The following C1GALT1 variants were observed in gnomAD, a reference collection of about 807,000 sequenced individuals.
The protein encoded by C1GALT1 is glycoprotein-N-acetylgalactosamine 3-beta-galactosyltransferase 1.
A neutral mutation model predicts 31.0 loss-of-function variants in C1GALT1; 11 were observed. The observed-to-expected ratio is 0.36, with a 90% CI of 0.22 to 0.59. The LOEUF is 0.59. Among genes scored for constraint, C1GALT1 ranks in the 20% least tolerant of loss-of-function variants. The probability of loss-of-function intolerance (pLI) is 0.79; values close to 1 mark genes in which losing one functional copy is unlikely to be tolerated. For missense variants in C1GALT1, 424 were observed against 425.2 expected, an observed-to-expected ratio of 1.00 and a Z score of 0.03; for synonymous variants, 175 against 143.6, an observed-to-expected ratio of 1.22 and a Z score of -1.56.
chr7:7,197,761 C>T (rs1418349364), intron 1 of C1GALT1, among the ~76,000 whole-genome samples: 1 of 152,176 alleles, frequency 6.6e-6, no homozygotes, highest in East Asian at 1.9e-4. Flanking sequence ...CCTTCACATC[C>T]CTTGTAAGTT....
intron 1 of C1GALT1, among the ~76,000 whole-genome samples, chr7:7,201,873 A>T (rs1474068984): frequency 6.6e-6 from 1 of 151,904 alleles, no homozygotes; most frequent in Non-Finnish European, 1.5e-5. Flanking sequence ...AGGAAACTTC[A>T]TGTTTGTTTG....
intron 3 of C1GALT1, among the ~76,000 whole-genome samples, chr7:7,241,216 A>C (rs565947029): frequency 1.3e-5 from 2 of 152,148 alleles, no homozygotes; most frequent in East Asian, 3.9e-4. Context: ...ATTAGTACAT[A>C]AGTGAGGTAG....
At chr7:7,183,197 G>T (rs1214240725) in intron 1 of C1GALT1, among the ~76,000 whole-genome samples, 1 of 151,760 alleles carries the variant, frequency 6.6e-6, no homozygotes, top group East Asian at 2.0e-4. Flanking sequence ...TAGCGGTCCT[G>T]CCCCGCCGGG....
chr7:7,173,954 A>T (rs181908443), intron 2 of C1GALT1, among the ~76,000 whole-genome samples: 2 of 152,284 alleles, frequency 1.3e-5, no homozygotes, highest in East Asian at 3.9e-4. Context: ...AGTGGCTTAA[A>T]CAACAGAAAT....
In C1GALT1 at chr7:7,197,161, T is replaced by A. The variant is rs560272454; in HGVS notation, c.-18+14341T>A. 3.9e-5 allele frequency among the ~76,000 whole-genome samples: 6 copies of A among 152,338 alleles called. No individual in the cohort carries two copies. In the South Asian group the frequency reaches 1.2e-3, roughly 32 times the overall value. On this transcript the variant is annotated intron_variant, in intron 1 of 3. Coordinates refer to ENST00000436587, the MANE Select transcript of C1GALT1 (RefSeq NM_020156.5). Reference sequence around the variant, plus strand: ...TATTGCCTAGGTTTTCTTACAGGGTTTTTCTGGTTTTAGGTCTAACATTTA... The same window carrying A: ...TATTGCCTAGGTTTTCTTACAGGGTATTTCTGGTTTTAGGTCTAACATTTA...
In C1GALT1 at chr7:7,248,311, TAA is replaced by T. The variant is rs1302152048; in HGVS notation, c.*4585_*4586del. 6.6e-6 allele frequency: 1 copy of T among 151,994 alleles called. No individual in the cohort carries two copies. Among genetic ancestry groups the T allele is most frequent in the Non-Finnish European group, 1.5e-5 (1 of 67,868 alleles). 9.4% of individuals were successfully genotyped at this position (151,994 alleles called of 1,614,324 possible). ...TACCTCTCTAGTTTTCAGTTTATATTAAGTTTTAATAACTTTGCGGGGCCCTG... is the reference window on the plus strand; with the variant it reads ...TACCTCTCTAGTTTTCAGTTTATATTGTTTTAATAACTTTGCGGGGCCCTG... On this transcript the variant is annotated 3_prime_UTR_variant, in exon 4 of 4. Transcript: ENST00000436587.
At chr7:7,243,095 C>G (rs1033166902) in intron 3 of C1GALT1, among the ~76,000 whole-genome samples, 1 of 152,018 alleles carries the variant, frequency 6.6e-6, no homozygotes, top group African/African-American at 2.4e-5. Flanking sequence ...ATGGGCAAGG[C>G]TTTGTAGTCA....
intron 2 of C1GALT1, among the ~76,000 whole-genome samples, chr7:7,173,009 C>T (rs933417984): frequency 2.0e-5 from 3 of 152,120 alleles, no homozygotes; most frequent in African/African-American, 2.4e-5. Flanking sequence ...AGTCTGCAAC[C>T]GTTCCAGATT....
chr7:7,238,348 A>AACACGT lies in C1GALT1; in HGVS notation c.315_320dup (p.His106_Val107dup). ...CCTCAAAACCTAGAGAAAAAGGCCA[A>AACACGT]ACACGTCAAAGCTACTTGGGCCCAG... On this transcript the variant is annotated inframe_insertion, in exon 3 of 4. Coordinates refer to ENST00000436587, the MANE Select transcript of C1GALT1 (RefSeq NM_020156.5). The surrounding 1 kb of genome is among the most constrained non-coding windows in gnomAD (Gnocchi z 5.2). The AACACGT allele has an allele frequency of 6.2e-7, 1 of 1,614,160 alleles. No individual in the cohort carries two copies. Among genetic ancestry groups the AACACGT allele is most frequent in the Non-Finnish European group, 8.5e-7 (1 of 1,179,996 alleles).
chr7:7,243,405 A>C (rs1417178705), intron 3 of C1GALT1, 119 bp from the exon 4 acceptor site: 2 of 810,070 alleles, frequency 2.5e-6, no homozygotes, highest in Non-Finnish European at 3.9e-6. Context: ...CCTCTGCTTT[A>C]CCTTGCCATC....
chr7:7,173,842 G>A (rs926172786), intron 2 of C1GALT1, among the ~76,000 whole-genome samples: 1 of 152,166 alleles, frequency 6.6e-6, no homozygotes, highest in African/African-American at 2.4e-5. Context: ...GGTGGAGGTT[G>A]CAGTGATCCT....
At chr7:7,206,671 C>A (rs1263441104) in intron 1 of C1GALT1, among the ~76,000 whole-genome samples, 1 of 116,016 alleles carries the variant, frequency 8.6e-6, no homozygotes. Flanking sequence ...AGCAAAACTC[C>A]GTCTCAAAAA....
chr7:7,203,057 G>A (rs1781586266), intron 1 of C1GALT1, among the ~76,000 whole-genome samples: 1 of 142,144 alleles, frequency 7.0e-6, no homozygotes. Context: ...CTTTGTATTT[G>A]CTTCTTTGCT....
At chr7:7,199,821 T>C (rs556337226) in intron 1 of C1GALT1, among the ~76,000 whole-genome samples, 205 of 152,336 alleles carry the variant, frequency 1.3e-3, no homozygotes, top group South Asian at 2.7e-3. Flanking sequence ...TTTTGATCTT[T>C]GTTGGTTTAA....
chr7:7,169,191 A>AT (rs1340939443), intron 2 of C1GALT1, among the ~76,000 whole-genome samples: 1 of 152,162 alleles, frequency 6.6e-6, no homozygotes, highest in African/African-American at 2.4e-5. Flanking sequence ...TCAAAACTTG[A>AT]TTTTTTTCAT....
chr7:7,192,499 C>T (rs1051561138), intron 1 of C1GALT1, among the ~76,000 whole-genome samples: 3 of 152,052 alleles, frequency 2.0e-5, no homozygotes, highest in Admixed American at 1.3e-4. Context: ...GAGTAGTATT[C>T]CGTGGTGTGT....
At chr7:7,181,840 T>C (rs559759839), upstream of C1GALT1, among the ~76,000 whole-genome samples, 3 of 152,290 alleles carry the variant, frequency 2.0e-5, no homozygotes, top group South Asian at 6.2e-4. Context: ...CTCATGACTA[T>C]TGTGGGGTTG....
chr7:7,168,304 A>G (rs920281685), intron 2 of C1GALT1, among the ~76,000 whole-genome samples: 3 of 152,220 alleles, frequency 2.0e-5, no homozygotes, highest in African/African-American at 7.2e-5. Flanking sequence ...GCAGGAGGAG[A>G]CAACACTTCA....
intron 1 of C1GALT1, among the ~76,000 whole-genome samples, chr7:7,216,992 C>G (rs958541208): frequency 7.0e-6 from 1 of 142,802 alleles, no homozygotes; most frequent in East Asian, 2.2e-4. Flanking sequence ...CACACACACA[C>G]AGGGTAAGAG....
Sources: allele counts gnomAD v4.1 joint callset (sites outside exome capture counted in the v4.1 genomes callset), GRCh38; gene constraint gnomAD v4.1.1; non-coding constraint Gnocchi (gnomAD v3.1); transcripts MANE v1.5; gene names NCBI Gene and HGNC (gene_info 2026-07-23, HGNC 2026-07-21).